Variants in CUBN observed in about 807,000 individuals in gnomAD.
The protein encoded by CUBN is 460 kDa receptor.
A neutral mutation model predicts 405.3 loss-of-function variants in CUBN; 282 were observed. The observed-to-expected ratio is 0.70, with a 90% CI of 0.63 to 0.77. CUBN has a LOEUF of 0.77. Among genes scored for constraint, CUBN ranks in the 30% least tolerant of loss-of-function variants. The pLI is 0.00. For synonymous variants in CUBN, 1,684 were observed against 1,617.0 expected (o/e 1.04, Z -0.99); for missense variants, 4,514 against 4,475.2 (o/e 1.01, Z -0.25).
At chr10:16,862,156 T>TCACACACACA (rs1377846836) in intron 59 of CUBN, among the ~76,000 whole-genome samples, 265 of 92,756 alleles carry the variant, frequency 2.9e-3, no homozygotes, top group African/African-American at 0.017. Context: ...TCTCTCTCTC[T>TCACACACACA]CTCTCACACA....
In CUBN at chr10:17,103,166, C is replaced by G; in HGVS notation, c.1489G>C (p.Asp497His). The change falls in exon 13 of 67, where the codon GAT (aspartate) becomes CAT (histidine). Residue 497 changes from aspartate to histidine, a missense_variant. By Grantham distance (81) the Asp-to-His change is moderately conservative. Around this residue, in one of 5 missense-constraint regions of CUBN, gnomAD observed 1,448 missense variants for 1,388.0 expected, o/e 1.04. Transcript: ENST00000377833. ...YRSPDVGYVH[D>H]VNCFWVIKTE... ...TTGATAACCCAGAAGCAGTTAACAT[C>G]ATGAACATAACCAACATCCGGGCTC... The G allele has an allele frequency of 6.2e-7, 1 of 1,613,974 alleles. No homozygotes were observed. Among genetic ancestry groups the G allele is most frequent in the Non-Finnish European group, 8.5e-7 (1 of 1,179,886 alleles).
chr10:16,952,969 A>G (rs1337532338), intron 32 of CUBN, among the ~76,000 whole-genome samples: 1 of 152,216 alleles, frequency 6.6e-6, no homozygotes, highest in Admixed American at 6.5e-5. Flanking sequence ...AGGAGCATCT[A>G]TAGAGGCTCA....
In CUBN at chr10:16,976,124, C is replaced by T. The variant is rs146665921; in HGVS notation, c.4695+6360G>A. On this transcript the variant is annotated intron_variant, in intron 31 of 66. Transcript: ENST00000377833. ...TAGCTGGGATTACAGGTCTGTGCCACCATGCTTGGCTAATTTTTTAACTGT... is the reference window on the plus strand; with the variant it reads ...TAGCTGGGATTACAGGTCTGTGCCATCATGCTTGGCTAATTTTTTAACTGT... Among the ~76,000 whole-genome samples the T allele has an allele frequency of 4.2e-3, 640 of 152,102 alleles. 5 individuals are homozygous for T. The highest frequency in any genetic ancestry group is 0.015 in the African/African-American group (610 of 41,506).
chr10:16,965,554 G>C (rs1227543540), intron 31 of CUBN: 2 of 136,228 alleles, frequency 1.5e-5, no homozygotes, highest in African/African-American at 5.6e-5. Flanking sequence ...AGCTTCCTCA[G>C]TAATATCTGT....
intron 15 of CUBN, among the ~76,000 whole-genome samples, chr10:17,085,977 T>C (rs978311562): frequency 6.6e-6 from 1 of 151,152 alleles, no homozygotes; most frequent in Admixed American, 6.6e-5. Flanking sequence ...TTTTTTTTTT[T>C]TTTTTTTGAG....
intron 31 of CUBN, among the ~76,000 whole-genome samples, chr10:16,975,770 A>C (rs1833075191): frequency 6.6e-6 from 1 of 151,220 alleles, no homozygotes; most frequent in Non-Finnish European, 1.5e-5. Flanking sequence ...CGCTGGGATT[A>C]CAAGCACACA....
At chr10:16,825,316 G>T (rs1216097539) in intron 66 of CUBN, among the ~76,000 whole-genome samples, 3 of 152,032 alleles carry the variant, frequency 2.0e-5, no homozygotes, top group Admixed American at 1.3e-4. Flanking sequence ...ATGGGTACTG[G>T]GTTTCTTTGG....
intron 60 of CUBN, 150 bp from the exon 61 acceptor site, chr10:16,841,197 A>G (rs1243786963): frequency 4.4e-6 from 3 of 678,966 alleles, no homozygotes; most frequent in African/African-American, 3.6e-5. Flanking sequence ...CAGAATTATA[A>G]TTGGATTGAT....
At chr10:16,967,991 A>AGAG (rs1843450689) in intron 31 of CUBN, among the ~76,000 whole-genome samples, 4 of 145,150 alleles carry the variant, frequency 2.8e-5, no homozygotes, top group Admixed American at 6.9e-5. Context: ...GAGAGAGGAA[A>AGAG]AGAGAGAGAG....
At chr10:16,929,492 G>A (rs993562425) in intron 40 of CUBN, among the ~76,000 whole-genome samples, 1 of 152,100 alleles carries the variant, frequency 6.6e-6, no homozygotes, top group African/African-American at 2.4e-5. Flanking sequence ...TATACAACCA[G>A]CCACATGGAT....
chr10:17,016,267 A>G (rs1261050070), intron 28 of CUBN, among the ~76,000 whole-genome samples: 1 of 152,114 alleles, frequency 6.6e-6, no homozygotes, highest in Non-Finnish European at 1.5e-5. Context: ...GTCCTTCTAG[A>G]GCACAGGTCA....
In CUBN at chr10:17,122,905, T is replaced by C. The variant is rs1200316251; in HGVS notation, c.490-7A>G. The C allele has an allele frequency of 6.2e-7, 1 of 1,605,798 alleles. No homozygotes were observed. The highest frequency in any genetic ancestry group is 8.5e-7 in the Non-Finnish European group (1 of 1,172,494). On this transcript the variant is annotated splice_region_variant and splice_polypyrimidine_tract_variant and intron_variant, in intron 5 of 66. Transcript: ENST00000377833. ...CAGCTGAGCAGAGAGGACCCTGTGA[T>C]CATATAAGGAACAAAGTCAGGTGCC...
intron 6 of CUBN, 73 bp downstream of exon 6, chr10:17,122,722 T>G (rs555859607): frequency 3.5e-6 from 3 of 861,592 alleles, no homozygotes; most frequent in Non-Finnish European, 5.8e-6. Context: ...TAATTTAGGA[T>G]GCTCTTAACT....
In CUBN at chr10:16,897,468, T is replaced by G. The variant is rs556639631; in HGVS notation, c.8598+1528A>C. 3.9e-5 allele frequency among the ~76,000 whole-genome samples: 6 copies of G among 152,264 alleles called. No individual in the cohort carries two copies. In the South Asian group the frequency reaches 1.2e-3, roughly 32 times the overall value. On this transcript the variant is annotated intron_variant, in intron 54 of 66. Coordinates refer to ENST00000377833, the MANE Select transcript of CUBN (RefSeq NM_001081.4). ...CTACCTGAGGGACTCTGTGTGTTTC[T>G]CAGTTGAAGGCAAAGGGTATAGTAA...
chr10:16,869,480 C>G (rs757602863), intron 59 of CUBN, among the ~76,000 whole-genome samples, 156 bp downstream of exon 59: 1 of 134,402 alleles, frequency 7.4e-6, no homozygotes, highest in Non-Finnish European at 1.5e-5. Flanking sequence ...ATATGTCATA[C>G]GTAAGTTTTA....
intron 17 of CUBN, among the ~76,000 whole-genome samples, chr10:17,073,953 A>G (rs1835795864): frequency 6.6e-6 from 1 of 152,210 alleles, no homozygotes; most frequent in South Asian, 2.1e-4. Flanking sequence ...TTGACTAAGG[A>G]TAGCTGTTGT....
chr10:16,925,228 T>G lies in CUBN; in HGVS notation c.6646+13A>C, dbSNP rs776470107. The G allele has an allele frequency of 2.1e-5, 34 of 1,603,316 alleles. No individual in the cohort carries two copies. Among genetic ancestry groups the G allele is most frequent in the Non-Finnish European group, 2.7e-5 (32 of 1,170,512 alleles). On this transcript the variant is annotated intron_variant, in intron 43 of 66. Coordinates refer to ENST00000377833, the MANE Select transcript of CUBN (RefSeq NM_001081.4). ...CAGGAAAAGCAGATATAATTCTCAGTGAAAATACTTACCTAAACTCTTTGC... is the reference window on the plus strand; with the variant it reads ...CAGGAAAAGCAGATATAATTCTCAGGGAAAATACTTACCTAAACTCTTTGC...
intron 27 of CUBN, chr10:17,023,521 G>A (rs1037299800): frequency 1.2e-5 from 5 of 432,964 alleles, no homozygotes; most frequent in African/African-American, 2.0e-5. Flanking sequence ...ACACAAAAAG[G>A]AACAGTCATT....
At chr10:17,113,399 G>C (rs1033311003) in intron 8 of CUBN, among the ~76,000 whole-genome samples, 2 of 147,278 alleles carry the variant, frequency 1.4e-5, no homozygotes, top group East Asian at 4.0e-4. Context: ...ACCCAGCACA[G>C]TGCTTTGCTC....
Sources: allele counts gnomAD v4.1 joint callset (sites outside exome capture counted in the v4.1 genomes callset), GRCh38; gene constraint gnomAD v4.1.1; regional missense constraint gnomAD v4.1.1; transcripts MANE v1.5; gene names NCBI Gene and HGNC (gene_info 2026-07-23, HGNC 2026-07-21).